JAZF1: variants seen among roughly 807,000 people sequenced by gnomAD.
JAZF1 encodes the protein juxtaposed with another zinc finger protein 1.
Under a neutral mutation model 26.4 loss-of-function variants are expected in JAZF1, and 8 were observed. The observed-to-expected ratio is 0.30, with a 90% CI of 0.18 to 0.55. The LOEUF (loss-of-function observed/expected upper bound fraction) is 0.55, where lower values mean the gene tolerates loss of function less well. JAZF1 is among the 20% of genes least tolerant of loss of function. JAZF1 has a pLI of 0.94. For synonymous variants in JAZF1, 126 were observed against 122.3 expected, an observed-to-expected ratio of 1.03 and a Z score of -0.20; for missense variants, 199 against 322.0, an observed-to-expected ratio of 0.62 and a Z score of 2.92.
Position 28,101,248 on chromosome 7 carries a change from G to A in JAZF1, c.115+79215C>T, listed in dbSNP as rs900127437. On this transcript the variant is annotated intron_variant, in intron 1 of 4. Coordinates refer to ENST00000283928, the MANE Select transcript of JAZF1 (RefSeq NM_175061.4). ...CAAACACAATCAATCTGATATTTCT[G>A]CCACTACAGCTTTTCAATGTTTTAG... Among the ~76,000 whole-genome samples the A allele has an allele frequency of 3.9e-5, 6 of 152,158 alleles. No homozygotes were observed. The East Asian group carries it at 9.7e-4, about 24-fold the overall frequency.
chr7:27,966,301 C>T (rs1785274045), intron 2 of JAZF1, among the ~76,000 whole-genome samples: 1 of 152,116 alleles, frequency 6.6e-6, no homozygotes, highest in Admixed American at 6.5e-5. Flanking sequence ...TCTTTAATCC[C>T]TACCCACTCT....
intron 3 of JAZF1, among the ~76,000 whole-genome samples, chr7:27,891,700 G>A (rs1483760127): frequency 6.6e-6 from 1 of 151,954 alleles, no homozygotes; most frequent in African/African-American, 2.4e-5. Flanking sequence ...ATTGTGGCAT[G>A]TGCCTGTAGT....
At chr7:27,845,129 C>T (rs1782994454) in intron 3 of JAZF1, among the ~76,000 whole-genome samples, 12 of 152,228 alleles carry the variant, frequency 7.9e-5, no homozygotes, top group Admixed American at 6.5e-4. Context: ...AAAGTATTTC[C>T]TCTGTGTAAA....
intron 2 of JAZF1, among the ~76,000 whole-genome samples, chr7:27,970,993 T>C (rs560467145): frequency 1.3e-5 from 2 of 152,350 alleles, no homozygotes; most frequent in South Asian, 4.1e-4. Context: ...ACCGTGAAGA[T>C]TCCAGATGAC....
chr7:28,098,549 T>C (rs1016939468), intron 1 of JAZF1, among the ~76,000 whole-genome samples: 3 of 152,094 alleles, frequency 2.0e-5, no homozygotes, highest in Admixed American at 2.0e-4. Flanking sequence ...CCCAGTAAAA[T>C]GTAAATTCTG....
intron 1 of JAZF1, among the ~76,000 whole-genome samples, chr7:28,129,833 G>A (rs1193113357): frequency 2.0e-5 from 3 of 152,082 alleles, no homozygotes; most frequent in South Asian, 4.1e-4. Flanking sequence ...CCCAGATAAC[G>A]TGCTGGCTGT....
intron 2 of JAZF1, among the ~76,000 whole-genome samples, chr7:27,935,472 G>C (rs1182381647): frequency 6.6e-6 from 1 of 152,178 alleles, no homozygotes; most frequent in African/African-American, 2.4e-5. Flanking sequence ...ATGATTCCAC[G>C]TGTATGAAAT....
At chr7:27,939,260 T>G (rs1246922879) in intron 2 of JAZF1, among the ~76,000 whole-genome samples, 1 of 152,222 alleles carries the variant, frequency 6.6e-6, no homozygotes, top group African/African-American at 2.4e-5. Context: ...AAAAAACCTT[T>G]AGTTATCTCA....
At chr7:28,066,551 C>T (rs1184084891) in intron 1 of JAZF1, among the ~76,000 whole-genome samples, 3 of 142,610 alleles carry the variant, frequency 2.1e-5, no homozygotes, top group Non-Finnish European at 3.0e-5. Context: ...TGCAGTGAGC[C>T]GAGATCGCAC....
chr7:28,041,017 C>T (rs1783380929), intron 1 of JAZF1, among the ~76,000 whole-genome samples: 2 of 152,216 alleles, frequency 1.3e-5, no homozygotes, highest in Admixed American at 1.3e-4. Context: ...ACATAGATAA[C>T]ACAGTGTGCT....
intron 2 of JAZF1, among the ~76,000 whole-genome samples, chr7:27,952,235 AC>A (rs1443009202): frequency 2.6e-5 from 4 of 152,234 alleles, no homozygotes; most frequent in Non-Finnish European, 5.9e-5. Flanking sequence ...TAGAGGCTGC[AC>A]CTAGCACAGA....
chr7:28,095,053 G>A (rs929283961), intron 1 of JAZF1, among the ~76,000 whole-genome samples: 3 of 152,094 alleles, frequency 2.0e-5, no homozygotes, highest in Non-Finnish European at 4.4e-5. Flanking sequence ...TGCCATCTCC[G>A]AATCTGAGAA....
chr7:28,019,477 A>G (rs1782965652), intron 1 of JAZF1, among the ~76,000 whole-genome samples: 1 of 152,108 alleles, frequency 6.6e-6, no homozygotes, highest in Admixed American at 6.5e-5. Flanking sequence ...TTGAAGGCAG[A>G]TCCTACAAAT....
intron 2 of JAZF1, among the ~76,000 whole-genome samples, chr7:27,984,692 C>T (rs1300392015): frequency 6.6e-6 from 1 of 152,204 alleles, no homozygotes; most frequent in African/African-American, 2.4e-5. Flanking sequence ...AAATTGACCA[C>T]ATAGTTGGAA....
chr7:28,162,359 C>T (rs1405432335), intron 1 of JAZF1, among the ~76,000 whole-genome samples: 1 of 152,216 alleles, frequency 6.6e-6, no homozygotes, highest in Non-Finnish European at 1.5e-5. Context: ...ATACTCTTTT[C>T]CTTTCCCTCT....
chr7:27,899,031 C>G (rs150660068), intron 2 of JAZF1, among the ~76,000 whole-genome samples: 3 of 152,154 alleles, frequency 2.0e-5, no homozygotes, highest in Admixed American at 6.5e-5. Context: ...AAAAAGGGCC[C>G]GTGTCTCCCC....
At chr7:28,056,464 AC>A (rs1403329003) in intron 1 of JAZF1, among the ~76,000 whole-genome samples, 14 of 149,420 alleles carry the variant, frequency 9.4e-5, no homozygotes, top group African/African-American at 3.2e-4. Flanking sequence ...ACACACACAC[AC>A]ACACACACAC....
intron 1 of JAZF1, among the ~76,000 whole-genome samples, chr7:28,043,636 G>C (rs1408529188): frequency 6.6e-6 from 1 of 152,036 alleles, no homozygotes. Context: ...TCCACTCTTA[G>C]GTAAATACCC....
chr7:28,066,851 C>T (rs1315989102), intron 1 of JAZF1, among the ~76,000 whole-genome samples: 6 of 152,044 alleles, frequency 3.9e-5, no homozygotes, highest in Non-Finnish European at 8.8e-5. Context: ...CATTTTATGA[C>T]TCCTGAAAAG....
Sources: gnomAD v4.1 joint callset for allele counts (sites outside exome capture counted in the v4.1 genomes callset) on GRCh38, gnomAD v4.1.1 for gene constraint, MANE v1.5 for transcripts, NCBI Gene and HGNC (gene_info 2026-07-23, HGNC 2026-07-21) for gene names.